NBEA: variants seen among roughly 807,000 people sequenced by gnomAD.
NBEA encodes lysosomal-trafficking regulator 2.
Under a neutral mutation model 343.4 loss-of-function variants are expected in NBEA, and 44 were observed. That is an observed-to-expected ratio of 0.13 (90% CI 0.10 to 0.16). The LOEUF is 0.16. Ranked by LOEUF, NBEA falls within the 10% of genes least tolerant of loss-of-function variation. The pLI, the probability that NBEA is intolerant of heterozygous loss-of-function variation, is 1.00. For synonymous variants in NBEA, 1,175 were observed against 1,238.7 expected (o/e 0.95, Z 1.08); for missense variants, 2,555 against 3,631.3 (o/e 0.70, Z 7.62).
At chr13:35,595,079 C>T (rs2081724003) in intron 47 of NBEA, among the ~76,000 whole-genome samples, 1 of 151,932 alleles carries the variant, frequency 6.6e-6, no homozygotes. Flanking sequence ...TTAGATTTCA[C>T]TTCCTAGCCT....
chr13:35,167,311 T>A (rs1302159375), intron 24 of NBEA, among the ~76,000 whole-genome samples: 2 of 152,006 alleles, frequency 1.3e-5, no homozygotes, highest in East Asian at 3.9e-4. Context: ...CCTGGAAATT[T>A]AGATGAGTAC....
At chr13:34,948,696 C>T (rs1054310352) in intron 1 of NBEA, among the ~76,000 whole-genome samples, 3 of 152,066 alleles carry the variant, frequency 2.0e-5, no homozygotes, top group African/African-American at 7.2e-5. Context: ...CTTTGTGGTC[C>T]TCTAGCAGTT....
intron 10 of NBEA, among the ~76,000 whole-genome samples, chr13:35,080,774 C>A (rs1347310513): frequency 6.6e-6 from 1 of 152,086 alleles, no homozygotes; most frequent in South Asian, 2.1e-4. Flanking sequence ...AAGTTTAGCA[C>A]TAATTGGTTC....
At position 35,182,511 on chromosome 13, in the gene NBEA, A is replaced by G; in HGVS notation, c.4814A>G (p.Asn1605Ser). 3 of 1,609,752 alleles carry G rather than the reference A, an allele frequency of 1.9e-6. No homozygotes were observed. Among genetic ancestry groups the G allele is most frequent in the Non-Finnish European group, 2.5e-6 (3 of 1,177,124 alleles). The change falls in exon 29 of 59, where the codon AAT becomes AGT. Residue 1605 changes from asparagine to serine, a missense_variant. By Grantham distance (46) the Asn-to-Ser change is conservative. Coordinates refer to ENST00000379939, the MANE Select transcript of NBEA (RefSeq NM_001385012.1). ...QPGRNIRQEI[N>S]SPTSTVVVIP... Reference sequence around the variant, plus strand: ...GGTAGAAACATCAGGCAAGAAATAAATTCACCAACAAGTACAGGTACTTAA... The same window carrying G: ...GGTAGAAACATCAGGCAAGAAATAAGTTCACCAACAAGTACAGGTACTTAA...
intron 41 of NBEA, chr13:35,474,882 A>ACTTT (rs2075793734): frequency 1.3e-6 from 1 of 755,190 alleles, no homozygotes; most frequent in African/African-American, 1.8e-5. Flanking sequence ...CGCTTCCCCT[A>ACTTT]CTTTTTCTCC....
chr13:35,417,910 T>G lies in NBEA; in HGVS notation c.6180-14359T>G, dbSNP rs1594559986. Among the ~76,000 whole-genome samples the G allele has an allele frequency of 3.3e-5, 5 of 152,322 alleles. No homozygotes were observed. In the South Asian group the frequency reaches 1.0e-3, roughly 32 times the overall value. ...TCTCTAAGGACTTGCTTTATGAACC[T>G]GGGTGCTCCTCTTTTGGATGCAGTG... On this transcript the variant is annotated intron_variant, in intron 38 of 58. Transcript: ENST00000379939.
chr13:35,012,700 A>T (rs1566161728), intron 1 of NBEA, among the ~76,000 whole-genome samples: 1 of 152,218 alleles, frequency 6.6e-6, no homozygotes, highest in Admixed American at 6.5e-5. Context: ...TATTTTGTAT[A>T]ACATTTGAAA....
intron 33 of NBEA, among the ~76,000 whole-genome samples, chr13:35,227,281 T>C (rs1355590905): frequency 6.6e-6 from 1 of 152,092 alleles, no homozygotes; most frequent in East Asian, 1.9e-4. Context: ...GTATGTTAAA[T>C]TATATTTAAT....
chr13:35,562,898 A>T lies in NBEA; in HGVS notation c.6923-4007A>T, dbSNP rs192958510. The stretch of plus-strand genomic sequence containing the variant: ...TAATTTCTTTGTCAGCTGTCTCTAG[A>T]TCACTTTACCTTCAAAACCAAAGTG... On this transcript the variant is annotated intron_variant, in intron 44 of 58. Coordinates refer to ENST00000379939, the MANE Select transcript of NBEA (RefSeq NM_001385012.1). Among the ~76,000 whole-genome samples, 9 of 152,190 alleles carry T rather than the reference A, an allele frequency of 5.9e-5. No individual in the cohort carries two copies. In the East Asian group the frequency reaches 1.7e-3, roughly 29 times the overall value.
chr13:35,493,493 CT>C (rs1184869396), intron 41 of NBEA, among the ~76,000 whole-genome samples: 1 of 151,936 alleles, frequency 6.6e-6, no homozygotes, highest in Non-Finnish European at 1.5e-5. Flanking sequence ...GTTTCCAATA[CT>C]ACCAAAGTGT....
intron 30 of NBEA, among the ~76,000 whole-genome samples, chr13:35,194,746 G>T (rs1456183019): frequency 6.6e-6 from 1 of 151,980 alleles, no homozygotes; most frequent in Non-Finnish European, 1.5e-5. Context: ...ATTATATGGA[G>T]AACTTTATTA....
rs141308507 is a variant in NBEA at position 35,292,656 on chromosome 13, A to C, written c.5838+2206A>C. On this transcript the variant is annotated intron_variant, in intron 35 of 58. Coordinates refer to ENST00000379939, the MANE Select transcript of NBEA (RefSeq NM_001385012.1). Reference sequence around the variant, plus strand: ...ATAGCTCCATGTTACTGTCATGACCAGTATTAATACTAATAAAAATAGTTG... The same window carrying C: ...ATAGCTCCATGTTACTGTCATGACCCGTATTAATACTAATAAAAATAGTTG... 9.1e-3 allele frequency among the ~76,000 whole-genome samples: 1,381 copies of C among 152,116 alleles called. 21 individuals carry two copies. Among genetic ancestry groups the C allele is most frequent in the African/African-American group, 0.031 (1,304 of 41,538 alleles).
intron 34 of NBEA, among the ~76,000 whole-genome samples, chr13:35,249,277 A>G (rs970237291): frequency 9.9e-5 from 15 of 152,202 alleles, no homozygotes; most frequent in African/African-American, 3.1e-4. Context: ...CTACATCAAA[A>G]TTTTAAACTT....
intron 44 of NBEA, among the ~76,000 whole-genome samples, chr13:35,563,176 T>C (rs534217917): frequency 6.7e-6 from 1 of 148,938 alleles, no homozygotes; most frequent in East Asian, 2.0e-4. Flanking sequence ...GATAGATAGA[T>C]AATCTCCACA....
At chr13:35,479,381 AAT>A (rs1392099094) in intron 41 of NBEA, among the ~76,000 whole-genome samples, 2 of 152,164 alleles carry the variant, frequency 1.3e-5, no homozygotes, top group Admixed American at 1.3e-4. Flanking sequence ...ACGTGAAATG[AAT>A]TGCCTTCTGT....
chr13:35,138,461 T>A (rs917721986), intron 17 of NBEA, among the ~76,000 whole-genome samples: 19 of 134,454 alleles, frequency 1.4e-4, no homozygotes, highest in African/African-American at 4.5e-4. Flanking sequence ...TTATGCTACT[T>A]TTTTTTTTTT....
chr13:35,448,130 T>C (rs2046137726), intron 39 of NBEA, among the ~76,000 whole-genome samples: 1 of 152,190 alleles, frequency 6.6e-6, no homozygotes, highest in Non-Finnish European at 1.5e-5. Context: ...TGTGTTGATA[T>C]GGATTAGTTT....
At chr13:35,381,004 T>A (rs2041982757) in intron 38 of NBEA, among the ~76,000 whole-genome samples, 1 of 152,194 alleles carries the variant, frequency 6.6e-6, no homozygotes, top group African/African-American at 2.4e-5. Flanking sequence ...TAGAATTTTT[T>A]AATATGCTTT....
intron 17 of NBEA, among the ~76,000 whole-genome samples, chr13:35,137,087 G>A (rs904733716): frequency 5.9e-5 from 9 of 152,180 alleles, no homozygotes; most frequent in African/African-American, 2.2e-4. Flanking sequence ...GAAATGTTTA[G>A]TTAATTATGT....
Sources: gnomAD v4.1 joint callset for allele counts (sites outside exome capture counted in the v4.1 genomes callset) on GRCh38, gnomAD v4.1.1 for gene constraint, MANE v1.5 for transcripts, NCBI Gene and HGNC (gene_info 2026-07-23, HGNC 2026-07-21) for gene names.